Variants in SLC40A1 observed in about 807,000 individuals in gnomAD.
SLC40A1 encodes the protein ferroportin.
In SLC40A1, 16 loss-of-function variants were observed where a neutral mutation model predicts 53.5. The observed-to-expected ratio is 0.30, with a 90% CI of 0.20 to 0.45. The LOEUF (loss-of-function observed/expected upper bound fraction) is 0.45. Among genes scored for constraint, SLC40A1 ranks in the 20% least tolerant of loss-of-function variants. SLC40A1 has a pLI of 1.00. For missense variants in SLC40A1, 545 were observed against 695.4 expected (o/e 0.78, Z 2.43); for synonymous variants, 247 against 253.2 (o/e 0.98, Z 0.23).
At chr2:189,576,176 G>C (rs2031280280) in intron 2 of SLC40A1, among the ~76,000 whole-genome samples, 1 of 152,050 alleles carries the variant, frequency 6.6e-6, no homozygotes, top group Non-Finnish European at 1.5e-5. Context: ...GAGATTTTAG[G>C]CTCCATCCCT....
At position 189,571,837 on chromosome 2, in the gene SLC40A1, G is replaced by A; in HGVS notation, c.392C>T (p.Ser131Phe). The A allele has an allele frequency of 8.7e-6, 14 of 1,603,834 alleles. No individual in the cohort carries two copies. Among genetic ancestry groups the A allele is most frequent in the Non-Finnish European group, 1.2e-5 (14 of 1,170,842 alleles). The stretch of plus-strand genomic sequence containing the variant: ...AATAGTGATGATCAGGATATAGCAG[G>A]AAGTCTAAAGAATGACAAGAAAAAA... ...LTMYHGWVLT[S>F]CYILIITIAN... Residue 131 changes from serine to phenylalanine, a missense_variant, in exon 5 of 8, where the codon TCC (serine) becomes TTC (phenylalanine). Around this residue, in one of 4 missense-constraint regions of SLC40A1, gnomAD observed 197 missense variants for 278.8 expected, o/e 0.71. Transcript: ENST00000261024.
intron 5 of SLC40A1, among the ~76,000 whole-genome samples, chr2:189,571,413 T>C (rs1304450321): frequency 6.6e-6 from 1 of 150,426 alleles, no homozygotes; most frequent in Non-Finnish European, 1.5e-5. Context: ...GTTCTAAGTA[T>C]AAACATTTAG....
At chr2:189,575,081 TTTG>T (rs2031247156) in intron 3 of SLC40A1, 77 bp downstream of exon 3, 1 of 1,507,462 alleles carries the variant, frequency 6.6e-7, no homozygotes, top group Non-Finnish European at 9.2e-7. Context: ...TCTCTCCTAG[TTTG>T]TTGTTTCCTT....
intron 2 of SLC40A1, among the ~76,000 whole-genome samples, chr2:189,579,503 T>C (rs1301863878): frequency 6.6e-6 from 1 of 152,220 alleles, no homozygotes; most frequent in Non-Finnish European, 1.5e-5. Context: ...AGCAGATATG[T>C]CTATTTACCA....
chr2:189,571,993 T>C (rs769008942), intron 4 of SLC40A1, 152 bp from the exon 5 acceptor site: 151 of 650,484 alleles, frequency 2.3e-4, no homozygotes, highest in Non-Finnish European at 3.0e-4. Flanking sequence ...GTTATAGATA[T>C]GAAACTGAAT....
rs1387492177 is a variant in SLC40A1 at position 189,563,923 on chromosome 2, T to C, written c.1063A>G (p.Met355Val). The stretch of plus-strand genomic sequence containing the variant: ...AGCCAAGTAAAAGCTACAGTTCCCA[T>C]TATTCCAGTTATAGCTGATGCTCCC... The part of the protein sequence containing the change: ...LMGASAITGI[M>V]GTVAFTWLRR... Residue 355 changes from methionine (M) to valine (V), a missense_variant, in exon 7 of 8, where the codon ATG becomes GTG. This residue lies in a region of SLC40A1 where 234 missense variants were observed against 299.0 expected (regional missense o/e 0.78). Coordinates refer to ENST00000261024, the MANE Select transcript of SLC40A1 (RefSeq NM_014585.6). 1.2e-6 allele frequency: 2 copies of C among 1,614,172 alleles called. No individual in the cohort carries two copies. The highest frequency in any genetic ancestry group is 1.7e-6 in the Non-Finnish European group (2 of 1,180,018).
chr2:189,568,811 T>C (rs995033280), intron 5 of SLC40A1, among the ~76,000 whole-genome samples: 1 of 152,194 alleles, frequency 6.6e-6, no homozygotes, highest in African/African-American at 2.4e-5. Context: ...CTGCCATACT[T>C]GATCAAGCTA....
At chr2:189,568,283 T>A (rs893804069) in intron 5 of SLC40A1, among the ~76,000 whole-genome samples, 1 of 151,302 alleles carries the variant, frequency 6.6e-6, no homozygotes. Flanking sequence ...GGTCAGGAGA[T>A]CAAGACAATC....
rs2030726070 is a variant in SLC40A1 at position 189,561,150 on chromosome 2, A to G, written c.*728T>C. On this transcript the variant is annotated 3_prime_UTR_variant, in exon 8 of 8. Coordinates refer to ENST00000261024, the MANE Select transcript of SLC40A1 (RefSeq NM_014585.6). ...TAGGTTCTATGACCAAACTATTGAC[A>G]TATTTGAAGTCTGTATGCAGTCATT... 1 of 152,182 alleles carries G rather than the reference A, an allele frequency of 6.6e-6. No homozygotes were observed. The highest frequency in any genetic ancestry group is 1.5e-5 in the Non-Finnish European group (1 of 68,020). 9.4% of individuals were successfully genotyped at this position (152,182 alleles called of 1,614,324 possible).
chr2:189,572,088 T>A (rs2031148992), intron 4 of SLC40A1, among the ~76,000 whole-genome samples: 1 of 152,172 alleles, frequency 6.6e-6, no homozygotes, highest in African/African-American at 2.4e-5. Context: ...ATTATAATAG[T>A]CAGGTGAATA....
rs1290150409 is a variant in SLC40A1, at chr2:189,580,494, T to G, written c.-34A>C. On this transcript the variant is annotated 5_prime_UTR_variant, in exon 1 of 8. Transcript: ENST00000261024. ...GCGACCCCGCTGGCTCTTCTGCGGC[T>G]GCTATCGCTGCTGCTGCTCTCGCTG... is the stretch of plus-strand genomic sequence containing the variant. 2 of 1,612,526 alleles carry G rather than the reference T, an allele frequency of 1.2e-6. No homozygotes were observed. The highest frequency in any genetic ancestry group is 1.7e-6 in the Non-Finnish European group (2 of 1,179,984).
chr2:189,562,323 C>T, intron 7 of SLC40A1, 132 bp from the exon 8 acceptor site: 1 of 657,938 alleles, frequency 1.5e-6, no homozygotes, highest in Admixed American at 2.9e-5. Context: ...CTTAAATATA[C>T]CATAGCCTTG....
At chr2:189,580,163 T>G (rs72918321) in intron 1 of SLC40A1, among the ~76,000 whole-genome samples, 29 of 35,240 alleles carry the variant, frequency 8.2e-4, no homozygotes, top group Non-Finnish European at 1.8e-3. Context: ...TTGGTTGGTT[T>G]GTTTGTTTTG....
At chr2:189,572,500 C>G (rs890519585) in intron 4 of SLC40A1, 1 of 308,586 alleles carries the variant, frequency 3.2e-6, no homozygotes, top group East Asian at 8.0e-5. Context: ...ATTGGAGGAA[C>G]GCAATTATGA....
intron 5 of SLC40A1, among the ~76,000 whole-genome samples, chr2:189,568,142 A>G (rs1157359465): frequency 6.6e-6 from 1 of 151,882 alleles, no homozygotes; most frequent in African/African-American, 2.4e-5. Context: ...GAAATGTTGT[A>G]TTAAAAAACA....
At chr2:189,566,444 T>G (rs774329087) in intron 5 of SLC40A1, among the ~76,000 whole-genome samples, 1 of 152,154 alleles carries the variant, frequency 6.6e-6, no homozygotes, top group Non-Finnish European at 1.5e-5. Flanking sequence ...ACAAGTCTTT[T>G]GGATATGTTT....
chr2:189,572,687 C>T lies in SLC40A1; in HGVS notation c.387+159G>A, dbSNP rs962328025. ...TAATGAGTGCCTGTTGTGGGCAAAA[C>T]AACAACAAAACAAACTATAGGGGAT... On this transcript the variant is annotated intron_variant, in intron 4 of 7. Transcript: ENST00000261024. The T allele has an allele frequency of 7.4e-5, 48 of 649,666 alleles. No homozygotes were observed. The African/African-American group carries it at 7.9e-4, about 11-fold the overall frequency. The allele number at this position is 649,666 out of a possible 1,614,324, so 40.2% of individuals were successfully genotyped here. A position where few individuals can be genotyped will look rare whatever the true frequency, so the allele number is the denominator to read the frequency against.
intron 6 of SLC40A1, 116 bp from the exon 7 acceptor site, chr2:189,564,341 C>T (rs149575762): frequency 1.4e-4 from 106 of 773,810 alleles, no homozygotes; most frequent in Middle Eastern, 7.2e-4. Flanking sequence ...CTTGGTTAGA[C>T]ATTGTAATAT....
chr2:189,571,773 G>A lies in SLC40A1; in HGVS notation c.456C>T (p.Ile152=), dbSNP rs2031134845. 1 of 1,612,984 alleles carries A rather than the reference G, an allele frequency of 6.2e-7. No individual in the cohort carries two copies. Among genetic ancestry groups the A allele is most frequent in the African/African-American group, 1.3e-5 (1 of 74,986 alleles). Residue 152 remains isoleucine (I), a synonymous_variant, in exon 5 of 8, where the codon ATC becomes ATT. Transcript: ENST00000261024. ...IANLASTATA[I]TIQRDWIVVV... ...CAACAATCCAATCCCTTTGGATTGT[G>A]ATTGCAGTAGCAGTACTGGCCAAAT... is the stretch of plus-strand genomic sequence containing the variant.
Sources: gnomAD v4.1 joint callset for allele counts (sites outside exome capture counted in the v4.1 genomes callset) on GRCh38, gnomAD v4.1.1 for gene constraint, gnomAD v4.1.1 regional missense constraint, MANE v1.5 for transcripts, NCBI Gene and HGNC (gene_info 2026-07-23, HGNC 2026-07-21) for gene names.